Variants in RASA3 observed in about 807,000 individuals in gnomAD.
RASA3 encodes ras GTPase-activating protein 3.
RASA3 carries 73 observed loss-of-function variants against 110.0 expected under a neutral mutation model. The ratio of observed to expected loss-of-function variants is 0.66; its 90% CI spans 0.55 to 0.81. The LOEUF is 0.81. Ranked by LOEUF, RASA3 falls within the 30% of genes least tolerant of loss-of-function variation. The pLI, the probability that RASA3 is intolerant of heterozygous loss-of-function variation, is 0.00. For missense variants in RASA3, 976 were observed against 1,113.2 expected (o/e 0.88, Z 1.75); for synonymous variants, 500 against 451.4 (o/e 1.11, Z -1.37).
At chr13:114,120,108 G>GC (rs753384382) in intron 1 of RASA3, among the ~76,000 whole-genome samples, 33 of 23,518 alleles carry the variant, frequency 1.4e-3, no homozygotes, top group Non-Finnish European at 2.3e-3. Flanking sequence ...GTCGATCAGG[G>GC]CCCCCCTCCC....
chr13:114,034,644 G>A (rs1359466678), intron 4 of RASA3, among the ~76,000 whole-genome samples: 1 of 152,266 alleles, frequency 6.6e-6, no homozygotes. Flanking sequence ...TCTCCTGCCA[G>A]AAAAGCCAAT....
In RASA3 at chr13:114,115,986, C is replaced by G. The variant is rs888942493; in HGVS notation, c.55+16449G>C. ...TGAGGCGGGTGACGTTCTGGGGTCC[C>G]TGGGAAGTTGTCATCACCCTGCTGA... On this transcript the variant is annotated intron_variant, in intron 1 of 23. Coordinates refer to ENST00000334062, the MANE Select transcript of RASA3 (RefSeq NM_007368.4). The surrounding 1 kb of genome is among the most constrained non-coding windows in gnomAD (Gnocchi z 5.0). Among the ~76,000 whole-genome samples, 24 of 152,338 alleles carry G rather than the reference C, an allele frequency of 1.6e-4. No individual in the cohort carries two copies. The highest frequency in any genetic ancestry group is 5.5e-4 in the African/African-American group (23 of 41,566).
chr13:114,061,360 C>G (rs918800355), intron 2 of RASA3, among the ~76,000 whole-genome samples: 1 of 151,994 alleles, frequency 6.6e-6, no homozygotes, highest in Non-Finnish European at 1.5e-5. Flanking sequence ...TTCTAAAAAC[C>G]CCAGGCGCCC....
chr13:114,119,095 C>T (rs1277466616), intron 1 of RASA3, among the ~76,000 whole-genome samples: 6 of 151,868 alleles, frequency 4.0e-5, no homozygotes, highest in African/African-American at 1.5e-4. Flanking sequence ...CTCTTTTCCC[C>T]GGCCTGGGAA....
chr13:114,043,048 G>A (rs2054448391), intron 3 of RASA3, among the ~76,000 whole-genome samples: 2 of 152,186 alleles, frequency 1.3e-5, no homozygotes, highest in Admixed American at 1.3e-4. Flanking sequence ...TCATGCGAGC[G>A]AGACCTCTCA....
chr13:114,041,612 C>T (rs1306575288), intron 3 of RASA3, among the ~76,000 whole-genome samples: 1 of 152,268 alleles, frequency 6.6e-6, no homozygotes, highest in African/African-American at 2.4e-5. Flanking sequence ...AAGGCAGCAG[C>T]ATCACGCCAC....
intron 21 of RASA3, 33 bp from the exon 22 acceptor site, chr13:113,992,621 A>G: frequency 6.7e-7 from 1 of 1,486,302 alleles, no homozygotes; most frequent in South Asian, 1.1e-5. Flanking sequence ...GAAAGATAAA[A>G]ACACTTATTT....
intron 4 of RASA3, among the ~76,000 whole-genome samples, chr13:114,030,458 A>ACGGGGGCTTCTAG (rs2054134314): frequency 8.7e-6 from 1 of 114,508 alleles, no homozygotes; most frequent in East Asian, 3.0e-4. Flanking sequence ...GGCAAGGCTC[A>ACGGGGGCTTCTAG]CACAGAGGGC....
At position 114,015,192 on chromosome 13, in the gene RASA3, G is replaced by T. The variant is rs769594834; in HGVS notation, c.1405+17C>A. On this transcript the variant is annotated intron_variant, in intron 14 of 23. Transcript: ENST00000334062. The stretch of plus-strand genomic sequence containing the variant: ...ATGGCAGTTTCTCAGCAACATGAGG[G>T]TGTTCAGGGCACTCACCCTGGAAGC... 1 of 1,612,596 alleles carries T rather than the reference G, an allele frequency of 6.2e-7. No homozygotes were observed. The highest frequency in any genetic ancestry group is 8.5e-7 in the Non-Finnish European group (1 of 1,179,884).
intron 18 of RASA3, among the ~76,000 whole-genome samples, chr13:114,001,498 C>T (rs9562124): frequency 0.012 from 1,667 of 144,120 alleles, 47 homozygotes; most frequent in African/African-American, 0.041. Flanking sequence ...GGCGCGGGCT[C>T]GGGGTCAGGG....
In RASA3 at chr13:114,106,587, C is replaced by T. The variant is rs116614977; in HGVS notation, c.55+25848G>A. The stretch of plus-strand genomic sequence containing the variant: ...GTAAATAAATGCCCATTTTACTTAG[C>T]GTAGGTGTAGAAATTCACACCCAAG... On this transcript the variant is annotated intron_variant, in intron 1 of 23. Transcript: ENST00000334062. Among the ~76,000 whole-genome samples the T allele has an allele frequency of 6.1e-3, 936 of 152,286 alleles. 10 individuals carry two copies. The highest frequency in any genetic ancestry group is 0.021 in the African/African-American group (889 of 41,552).
chr13:114,092,157 A>T (rs1482041416), intron 1 of RASA3, among the ~76,000 whole-genome samples: 1 of 151,290 alleles, frequency 6.6e-6, no homozygotes, highest in African/African-American at 2.4e-5. Flanking sequence ...CTTTTGTCTC[A>T]ATTTCATTCA....
chr13:114,014,762 C>T lies in RASA3; in HGVS notation c.1405+447G>A, dbSNP rs2139278229. On this transcript the variant is annotated intron_variant, in intron 14 of 23. Transcript: ENST00000334062. The surrounding 1 kb of genome is among the most constrained non-coding windows in gnomAD (Gnocchi z 4.5). ...TCTTCGAAGACACGGGCAGGCAGAG[C>T]CCCCAACACCACTCTGGGCCCTGCC... is the stretch of plus-strand genomic sequence containing the variant. Among the ~76,000 whole-genome samples the T allele has an allele frequency of 6.6e-6, 1 of 152,196 alleles. No individual in the cohort carries two copies. Among genetic ancestry groups the T allele is most frequent in the Non-Finnish European group, 1.5e-5 (1 of 67,984 alleles).
intron 22 of RASA3, among the ~76,000 whole-genome samples, chr13:113,982,254 T>C (rs1566439862): frequency 6.6e-6 from 1 of 152,208 alleles, no homozygotes; most frequent in Non-Finnish European, 1.5e-5. Context: ...GGCTGGCTCA[T>C]GGGCCCTGGG....
chr13:114,080,706 G>A (rs1021474943), intron 1 of RASA3, among the ~76,000 whole-genome samples: 1 of 152,206 alleles, frequency 6.6e-6, no homozygotes, highest in Non-Finnish European at 1.5e-5. Flanking sequence ...TGAAACAGGG[G>A]TCTCCCCCAG....
intron 1 of RASA3, among the ~76,000 whole-genome samples, chr13:114,092,109 CA>C (rs991025707): frequency 1.3e-5 from 2 of 150,890 alleles, no homozygotes; most frequent in African/African-American, 2.4e-5. Flanking sequence ...TTTATCTTTT[CA>C]AAAAAATCAG....
chr13:114,003,451 A>G (rs1352679165), intron 18 of RASA3, among the ~76,000 whole-genome samples: 1 of 152,224 alleles, frequency 6.6e-6, no homozygotes, highest in Admixed American at 6.5e-5. Flanking sequence ...TGTTGCTTTG[A>G]AAGCTGTGAA....
At chr13:114,061,373 G>A (rs891882513) in intron 2 of RASA3, among the ~76,000 whole-genome samples, 2 of 152,122 alleles carry the variant, frequency 1.3e-5, no homozygotes, top group South Asian at 4.1e-4. Context: ...AGGCGCCCAG[G>A]CCCACCTCAG....
intron 12 of RASA3, among the ~76,000 whole-genome samples, 169 bp from the exon 13 acceptor site, chr13:114,016,440 G>A (rs968166964): frequency 2.6e-5 from 4 of 152,116 alleles, no homozygotes; most frequent in Non-Finnish European, 4.4e-5. Flanking sequence ...CGGTGAGGCC[G>A]GACTGCAGGG....
Sources: gnomAD v4.1 joint callset for allele counts (sites outside exome capture counted in the v4.1 genomes callset) on GRCh38, gnomAD v4.1.1 for gene constraint, Gnocchi (gnomAD v3.1) non-coding constraint, MANE v1.5 for transcripts, NCBI Gene and HGNC (gene_info 2026-07-23, HGNC 2026-07-21) for gene names.